THSD7A: variants seen among roughly 807,000 people sequenced by gnomAD.
THSD7A encodes the protein thrombospondin type-1 domain-containing protein 7A.
In THSD7A, 96 loss-of-function variants were observed where a neutral mutation model predicts 231.3. That is an observed-to-expected ratio of 0.41 (90% CI 0.35 to 0.49). THSD7A has a LOEUF of 0.49. THSD7A is among the 20% of genes least tolerant of loss of function. The pLI, the probability that THSD7A is intolerant of heterozygous loss-of-function variation, is 0.05. For missense variants in THSD7A, 2,290 were observed against 2,070.2 expected (o/e 1.11, Z -2.06); for synonymous variants, 940 against 743.3 (o/e 1.26, Z -4.30).
chr7:11,574,372 G>A (rs1039430361), intron 4 of THSD7A, among the ~76,000 whole-genome samples: 1 of 151,630 alleles, frequency 6.6e-6, no homozygotes, highest in Non-Finnish European at 1.5e-5. Flanking sequence ...AAGACACTCA[G>A]TAAACATTGG....
intron 1 of THSD7A, among the ~76,000 whole-genome samples, chr7:11,766,279 C>T (rs1783026663): frequency 6.6e-6 from 1 of 152,172 alleles, no homozygotes. Context: ...GCATCAGTTG[C>T]AGCAAAGGTC....
intron 4 of THSD7A, among the ~76,000 whole-genome samples, chr7:11,545,961 CT>C (rs1456386769): frequency 1.3e-5 from 2 of 152,150 alleles, no homozygotes; most frequent in African/African-American, 2.4e-5. Flanking sequence ...TCAGCACCCC[CT>C]ATCTTCCAGC....
chr7:11,602,478 C>T (rs1021734785), intron 2 of THSD7A, among the ~76,000 whole-genome samples: 2 of 152,006 alleles, frequency 1.3e-5, no homozygotes, highest in Non-Finnish European at 1.5e-5. Flanking sequence ...CAGAAAGTTA[C>T]ATAAAGTAGT....
chr7:11,376,793 T>C (rs987669546), intron 26 of THSD7A, 136 bp from the exon 27 acceptor site: 3 of 484,840 alleles, frequency 6.2e-6, no homozygotes, highest in African/African-American at 5.9e-5. Context: ...TCAGCACAGT[T>C]AATGATTAAT....
intron 6 of THSD7A, among the ~76,000 whole-genome samples, chr7:11,521,345 CT>C (rs755044607): frequency 6.6e-6 from 1 of 152,048 alleles, no homozygotes; most frequent in South Asian, 2.1e-4. Context: ...TTACAAAGAA[CT>C]TTGTGACCAC....
At chr7:11,519,399 T>C (rs1369907930) in intron 6 of THSD7A, among the ~76,000 whole-genome samples, 1 of 149,602 alleles carries the variant, frequency 6.7e-6, no homozygotes, top group African/African-American at 2.5e-5. Flanking sequence ...ATGTATTTAA[T>C]GCACTTACAC....
intron 1 of THSD7A, among the ~76,000 whole-genome samples, chr7:11,770,716 G>C (rs957860330): frequency 1.3e-5 from 2 of 152,084 alleles, no homozygotes; most frequent in Non-Finnish European, 2.9e-5. Flanking sequence ...CCATTACTTT[G>C]AGAAAACTAT....
chr7:11,487,088 T>C (rs974078746), intron 6 of THSD7A, among the ~76,000 whole-genome samples: 3 of 152,234 alleles, frequency 2.0e-5, no homozygotes, highest in Non-Finnish European at 4.4e-5. Context: ...CATAATCCAC[T>C]ATTCTAATAA....
Position 11,808,934 on chromosome 7 carries a change from C to T in THSD7A, c.190+22823G>A, listed in dbSNP as rs1372104759. On this transcript the variant is annotated intron_variant, in intron 1 of 27. Coordinates refer to ENST00000423059, the MANE Select transcript of THSD7A (RefSeq NM_015204.3). ...ATGAATATTAAATACTTAAACCATA[C>T]ATATAGTAGAAATACATACCATTAA... Among the ~76,000 whole-genome samples the T allele has an allele frequency of 2.6e-5, 4 of 151,970 alleles. No individual in the cohort carries two copies. In the East Asian group the frequency reaches 7.7e-4, roughly 29 times the overall value.
In THSD7A at chr7:11,583,017, C is replaced by T. The variant is rs1791234063; in HGVS notation, c.1453+7443G>A. Among the ~76,000 whole-genome samples the T allele has an allele frequency of 2.6e-5, 4 of 151,956 alleles. No individual in the cohort carries two copies. The South Asian group carries it at 8.3e-4, about 32-fold the overall frequency. ...CTTGTCAACTCTGCATGACTATTAT[C>T]CTCATTTTTATTGTCAACTTCTATT... On this transcript the variant is annotated intron_variant, in intron 4 of 27. Coordinates refer to ENST00000423059, the MANE Select transcript of THSD7A (RefSeq NM_015204.3).
intron 23 of THSD7A, chr7:11,384,553 TA>T (rs1782654276): frequency 6.6e-6 from 1 of 151,986 alleles, no homozygotes; most frequent in African/African-American, 2.4e-5. Context: ...AAGCTAAAGA[TA>T]TTTTTTAAAA....
In THSD7A at chr7:11,593,263, G is replaced by T. The variant is rs774948196; in HGVS notation, c.1262C>A (p.Pro421His). ...PCLSQGDGVV[P>H]CATYGWRTTE... is the part of the protein sequence containing the mutation. ...TTCTTTATTTACTCACGTGGCACAG[G>T]GGACAACTCCATCTCCTTGAGACAA... The change falls in exon 3 of 28, where the codon CCC becomes CAC. Residue 421 changes from proline (P) to histidine (H), a missense_variant. By Grantham distance (77) the Pro-to-His change is moderately conservative. Transcript: ENST00000423059. 10 of 1,613,738 alleles carry T rather than the reference G, an allele frequency of 6.2e-6. No individual in the cohort carries two copies. Among genetic ancestry groups the T allele is most frequent in the Non-Finnish European group, 6.8e-6 (8 of 1,179,872 alleles).
At chr7:11,627,124 G>A (rs1418497171) in intron 2 of THSD7A, among the ~76,000 whole-genome samples, 1 of 152,070 alleles carries the variant, frequency 6.6e-6, no homozygotes, top group African/African-American at 2.4e-5. Flanking sequence ...TAATGTAAGC[G>A]ATTAAGGTTA....
intron 1 of THSD7A, among the ~76,000 whole-genome samples, chr7:11,714,091 C>T (rs1251041118): frequency 1.3e-5 from 2 of 151,116 alleles, no homozygotes; most frequent in Non-Finnish European, 3.0e-5. Context: ...ATGAAGGTCA[C>T]AGTCAAAAAA....
intron 6 of THSD7A, among the ~76,000 whole-genome samples, chr7:11,495,941 T>C (rs1334427691): frequency 6.6e-6 from 1 of 152,134 alleles, no homozygotes; most frequent in Non-Finnish European, 1.5e-5. Flanking sequence ...GGGAAGTCAA[T>C]GGAAAGAATA....
intron 6 of THSD7A, among the ~76,000 whole-genome samples, chr7:11,500,238 G>T (rs368656663): frequency 6.6e-6 from 1 of 152,156 alleles, no homozygotes; most frequent in Non-Finnish European, 1.5e-5. Flanking sequence ...AGCTTCCTAA[G>T]TGAAAGAGAA....
chr7:11,670,515 C>T lies in THSD7A; in HGVS notation c.191-33554G>A, dbSNP rs181836569. ...CTAGCCAGCTAAATAATCTGAAAAA[C>T]GAATACAACCCAATGTTGACAAGTA... On this transcript the variant is annotated intron_variant, in intron 1 of 27. Coordinates refer to ENST00000423059, the MANE Select transcript of THSD7A (RefSeq NM_015204.3). 5.3e-5 allele frequency among the ~76,000 whole-genome samples: 8 copies of T among 152,276 alleles called. No individual in the cohort carries two copies. In the East Asian group the frequency reaches 7.7e-4, roughly 15 times the overall value.
At chr7:11,732,473 C>A (rs1321146474) in intron 1 of THSD7A, among the ~76,000 whole-genome samples, 1 of 151,832 alleles carries the variant, frequency 6.6e-6, no homozygotes, top group Non-Finnish European at 1.5e-5. Flanking sequence ...GATTACTCTT[C>A]CAAGCTTGTA....
chr7:11,519,772 G>A (rs1416244753), intron 6 of THSD7A, among the ~76,000 whole-genome samples: 1 of 152,096 alleles, frequency 6.6e-6, no homozygotes, highest in African/African-American at 2.4e-5. Flanking sequence ...TATAGTTGTT[G>A]ATAATATTGT....
Sources: gnomAD v4.1 joint callset for allele counts (sites outside exome capture counted in the v4.1 genomes callset) on GRCh38, gnomAD v4.1.1 for gene constraint, MANE v1.5 for transcripts, NCBI Gene and HGNC (gene_info 2026-07-23, HGNC 2026-07-21) for gene names.